The following CELF2 variants were observed in gnomAD, a reference collection of about 807,000 sequenced individuals.
The protein encoded by CELF2 is CUG triplet repeat RNA-binding protein 2.
In CELF2, 8 loss-of-function variants were observed where a neutral mutation model predicts 62.6. That is an observed-to-expected ratio of 0.13 (90% CI 0.07 to 0.23). The LOEUF is 0.23. Ranked by LOEUF, CELF2 falls within the 10% of genes least tolerant of loss-of-function variation. The pLI, the probability that CELF2 is intolerant of heterozygous loss-of-function variation, is 1.00. For synonymous variants in CELF2, 258 were observed against 250.0 expected (o/e 1.03, Z -0.30); for missense variants, 333 against 671.0 (o/e 0.50, Z 5.56).
the CELF2 span, among the ~76,000 whole-genome samples, chr10:10,722,532 C>T: frequency 6.6e-6 from 1 of 152,224 alleles, no homozygotes; most frequent in Admixed American, 6.5e-5. Flanking sequence ...CAACTATGTC[C>T]CTTTTTCTTT....
At chr10:10,732,580 G>A in the CELF2 span, among the ~76,000 whole-genome samples, 1 of 146,386 alleles carries the variant, frequency 6.8e-6, no homozygotes, top group Non-Finnish European at 1.5e-5. Context: ...CTGGAGTGCA[G>A]TGGTACATTC....
intron 1 of CELF2, among the ~76,000 whole-genome samples, chr10:11,068,357 T>TTTC (rs1426364077): frequency 3.3e-5 from 5 of 152,178 alleles, no homozygotes; most frequent in Non-Finnish European, 1.5e-5. Flanking sequence ...AAATCTTCCC[T>TTTC]GAAAAGGATG....
chr10:10,529,804 T>C, the CELF2 span, among the ~76,000 whole-genome samples: 1 of 151,960 alleles, frequency 6.6e-6, no homozygotes, highest in African/African-American at 2.4e-5. Flanking sequence ...TAAATAATTT[T>C]GGTATAATAA....
At chr10:10,537,491 T>C in the CELF2 span, among the ~76,000 whole-genome samples, 16 of 152,158 alleles carry the variant, frequency 1.1e-4, no homozygotes, top group Middle Eastern at 6.3e-3. Context: ...GGTCCATCTA[T>C]TTAAAAGTTA....
rs1470455422 is a variant in CELF2 at position 11,246,344 on chromosome 10, A to G, written c.355-2809A>G. ...GACTCTTTTCAGCAGATGAACCTGT[A>G]TAAGTCTTTCCTGTCTTGAAAGGAC... On this transcript the variant is annotated intron_variant, in intron 3 of 12. Coordinates refer to ENST00000633077, the MANE Select transcript of CELF2 (RefSeq NM_001326342.2). The surrounding 1 kb of genome is among the most constrained non-coding windows in gnomAD (Gnocchi z 4.6). Among the ~76,000 whole-genome samples, 1 of 152,156 alleles carries G rather than the reference A, an allele frequency of 6.6e-6. No individual in the cohort carries two copies. The highest frequency in any genetic ancestry group is 1.5e-5 in the Non-Finnish European group (1 of 68,032).
intron 1 of CELF2, among the ~76,000 whole-genome samples, chr10:10,895,097 A>C (rs1472486031): frequency 6.6e-6 from 1 of 152,156 alleles, no homozygotes; most frequent in East Asian, 1.9e-4. Context: ...CTGAGGTGCA[A>C]AGGTGACATA....
At position 11,285,864 on chromosome 10, in the gene CELF2, TG is replaced by T. The variant is rs2091112792; in HGVS notation, c.842-2553del. Among the ~76,000 whole-genome samples, 1 of 140,052 alleles carries T rather than the reference TG, an allele frequency of 7.1e-6. No homozygotes were observed. Among genetic ancestry groups the T allele is most frequent in the Non-Finnish European group, 1.5e-5 (1 of 67,310 alleles). 91.9% of individuals were successfully genotyped at this position (140,052 alleles called of 152,430 possible). A position where few individuals can be genotyped will look rare whatever the true frequency, so the allele number is the denominator to read the frequency against. On this transcript the variant is annotated intron_variant, in intron 8 of 12. Transcript: ENST00000633077. This position sits in a 1 kb window ranked among gnomAD's most constrained non-coding sequence, Gnocchi z 4.3. ...GTGTGTGTGTGTGTGTGTGTGTGTG[TG>T]TGTGTGTGTGTGTTTTTACATGGAC...
chr10:10,604,967 C>A, the CELF2 span, among the ~76,000 whole-genome samples: 1 of 152,090 alleles, frequency 6.6e-6, no homozygotes, highest in Non-Finnish European at 1.5e-5. Flanking sequence ...AAGATAGATG[C>A]ACATTTATGT....
intron 1 of CELF2, among the ~76,000 whole-genome samples, chr10:10,861,895 T>A (rs2060064062): frequency 6.6e-6 from 1 of 152,148 alleles, no homozygotes; most frequent in South Asian, 2.1e-4. Flanking sequence ...TTAGAAATAA[T>A]CTTTTAAAAA....
chr10:10,622,056 T>G, the CELF2 span, among the ~76,000 whole-genome samples: 2 of 152,190 alleles, frequency 1.3e-5, no homozygotes, highest in Non-Finnish European at 2.9e-5. Flanking sequence ...CAAACCTGTG[T>G]GGGTTTTCAA....
intron 1 of CELF2, among the ~76,000 whole-genome samples, chr10:11,135,235 C>T (rs1210734407): frequency 6.6e-6 from 1 of 152,228 alleles, no homozygotes; most frequent in African/African-American, 2.4e-5. Context: ...TGGGGTTCTC[C>T]AGCAGTGCCA....
chr10:10,938,108 A>T lies in CELF2; in HGVS notation c.89+18109A>T, dbSNP rs576854228. Among the ~76,000 whole-genome samples the T allele has an allele frequency of 1.3e-5, 2 of 152,186 alleles. No homozygotes were observed. The highest frequency in any genetic ancestry group is 4.8e-5 in the African/African-American group (2 of 41,448). ...ATAACTCAAGAGAGATAGAGGGGAG[A>T]TGGGTAATACTGAATATGCAGAATT... On this transcript the variant is annotated intron_variant, in intron 2 of 13. Transcript: ENST00000636488. This position sits in a 1 kb window ranked among gnomAD's most constrained non-coding sequence, Gnocchi z 4.2.
In CELF2 at chr10:11,082,491, TC is replaced by T. The variant is rs140552417; in HGVS notation, c.74+64330del. Among the ~76,000 whole-genome samples, 848 of 152,216 alleles carry T rather than the reference TC, an allele frequency of 5.6e-3. 4 individuals carry two copies. Among genetic ancestry groups the T allele is most frequent in the Non-Finnish European group, 9.2e-3 (628 of 68,024 alleles). ...GTGGCCCTGCAGGGCAGTAACTGAG[TC>T]CTTAGGAGACATAAAAATGGCTCCA... On this transcript the variant is annotated intron_variant, in intron 1 of 12. Transcript: ENST00000633077.
chr10:10,783,557 T>C, the CELF2 span, among the ~76,000 whole-genome samples: 919 of 152,298 alleles, frequency 6.0e-3, 12 homozygotes, highest in Non-Finnish European at 9.2e-3. Context: ...AGACACTCAG[T>C]TTGTGAGACT....
At chr10:10,643,704 C>T in the CELF2 span, among the ~76,000 whole-genome samples, 1 of 152,250 alleles carries the variant, frequency 6.6e-6, no homozygotes, top group South Asian at 2.1e-4. Context: ...TATAGAGTTC[C>T]TTCTAGGGAA....
At chr10:10,671,954 G>C in the CELF2 span, among the ~76,000 whole-genome samples, 1 of 151,882 alleles carries the variant, frequency 6.6e-6, no homozygotes, top group African/African-American at 2.4e-5. Context: ...GGTCTTGAAC[G>C]CCTGACCTCA....
At chr10:10,848,448 C>G (rs987584408) in intron 1 of CELF2, among the ~76,000 whole-genome samples, 5 of 152,140 alleles carry the variant, frequency 3.3e-5, no homozygotes, top group African/African-American at 1.2e-4. Context: ...AGCTTAGGAG[C>G]GTTGCTTTTG....
At chr10:10,676,514 T>C in the CELF2 span, among the ~76,000 whole-genome samples, 2 of 152,236 alleles carry the variant, frequency 1.3e-5, no homozygotes, top group African/African-American at 4.8e-5. Flanking sequence ...GATTTTTCTC[T>C]TACATTCACT....
At chr10:10,856,950 C>T (rs1403893965) in intron 1 of CELF2, among the ~76,000 whole-genome samples, 1 of 151,934 alleles carries the variant, frequency 6.6e-6, no homozygotes, top group Non-Finnish European at 1.5e-5. Flanking sequence ...TTTGTTGGGA[C>T]ATTGGACAAC....
Sources: allele counts gnomAD v4.1 joint callset (sites outside exome capture counted in the v4.1 genomes callset), GRCh38; gene constraint gnomAD v4.1.1; non-coding constraint Gnocchi (gnomAD v3.1); transcripts MANE v1.5; gene names NCBI Gene and HGNC (gene_info 2026-07-23, HGNC 2026-07-21).